Variants in CYTH1 observed in about 807,000 individuals in gnomAD.
The protein encoded by CYTH1 is cytohesin-1.
In CYTH1, 18 loss-of-function variants were observed where a neutral mutation model predicts 61.8. The ratio of observed to expected loss-of-function variants is 0.29; its 90% CI spans 0.20 to 0.43. The LOEUF is 0.43. Among genes scored for constraint, CYTH1 ranks in the 20% least tolerant of loss-of-function variants. CYTH1 has a pLI of 1.00. For missense variants in CYTH1, 336 were observed against 510.5 expected (o/e 0.66, Z 3.29); for synonymous variants, 174 against 184.3 (o/e 0.94, Z 0.45).
At chr17:78,773,404 CG>C (rs2093479192) in intron 1 of CYTH1, among the ~76,000 whole-genome samples, 1 of 152,034 alleles carries the variant, frequency 6.6e-6, no homozygotes, top group African/African-American at 2.4e-5. Context: ...CCGAGGCGGA[CG>C]GATCACCTGA....
intron 1 of CYTH1, among the ~76,000 whole-genome samples, chr17:78,753,835 T>C (rs1011041240): frequency 6.6e-6 from 1 of 152,216 alleles, no homozygotes; most frequent in Non-Finnish European, 1.5e-5. Context: ...TTCCAAAGTA[T>C]GTTGTCTAGT....
chr17:78,714,371 G>A (rs867349211), intron 1 of CYTH1, among the ~76,000 whole-genome samples: 2 of 152,026 alleles, frequency 1.3e-5, no homozygotes, highest in Non-Finnish European at 2.9e-5. Flanking sequence ...ACACAGAGAA[G>A]GGCCATCAGA....
intron 1 of CYTH1, among the ~76,000 whole-genome samples, chr17:78,774,935 C>T (rs1470632177): frequency 1.3e-5 from 2 of 152,222 alleles, no homozygotes; most frequent in Admixed American, 6.5e-5. Flanking sequence ...ATCAAACCCC[C>T]GAAGTACCCA....
chr17:78,765,711 G>T (rs973950703), intron 1 of CYTH1, among the ~76,000 whole-genome samples: 1 of 152,176 alleles, frequency 6.6e-6, no homozygotes, highest in African/African-American at 2.4e-5. Context: ...ACACCAAGAG[G>T]TGCCACAGCA....
At chr17:78,753,197 T>C (rs532684103) in intron 1 of CYTH1, among the ~76,000 whole-genome samples, 1 of 152,288 alleles carries the variant, frequency 6.6e-6, no homozygotes, top group African/African-American at 2.4e-5. Context: ...TGGTTGCTCA[T>C]GCCTTCAATC....
rs1567878924 is a variant in CYTH1 at position 78,760,370 on chromosome 17, TATATATATATATATACACAC to T, written c.22+21812_22+21831del. ...AATAGCAGGTTTATATATATATATA[TATATATATATATATACACAC>T]ACATACATATATATATGTGTATATA... On this transcript the variant is annotated intron_variant, in intron 1 of 13. Transcript: ENST00000446868. 7.7e-3 allele frequency among the ~76,000 whole-genome samples: 489 copies of T among 63,382 alleles called. 39 individuals are homozygous for T. Among genetic ancestry groups the T allele is most frequent in the African/African-American group, 0.026 (462 of 17,568 alleles). 41.6% of individuals were successfully genotyped at this position (63,382 alleles called of 152,430 possible).
intron 1 of CYTH1, among the ~76,000 whole-genome samples, chr17:78,742,585 G>A (rs1395968447): frequency 6.6e-6 from 1 of 152,156 alleles, no homozygotes; most frequent in African/African-American, 2.4e-5. Flanking sequence ...GGGTGTGCTG[G>A]CTCACGCCTG....
chr17:78,735,588 CGTGCTGCAGCTTTCA>C (rs2093316703), intron 1 of CYTH1, among the ~76,000 whole-genome samples: 1 of 152,168 alleles, frequency 6.6e-6, no homozygotes, highest in Admixed American at 6.5e-5. Flanking sequence ...GTCCCCCACG[CGTGCTGCAGCTTTCA>C]GTGTCGCCCG....
intron 1 of CYTH1, among the ~76,000 whole-genome samples, chr17:78,781,657 T>A (rs1227595869): frequency 6.6e-6 from 1 of 151,932 alleles, no homozygotes; most frequent in African/African-American, 2.4e-5. Context: ...AACAAAGACG[T>A]GGACCGGGCA....
chr17:78,689,403 T>C (rs2092852331), intron 11 of CYTH1, among the ~76,000 whole-genome samples: 1 of 152,202 alleles, frequency 6.6e-6, no homozygotes, highest in South Asian at 2.1e-4. Context: ...CATTAGATTC[T>C]CAGGAGGAGT....
At chr17:78,720,771 A>G (rs563976042) in intron 1 of CYTH1, among the ~76,000 whole-genome samples, 1 of 152,314 alleles carries the variant, frequency 6.6e-6, no homozygotes, top group Non-Finnish European at 1.5e-5. Flanking sequence ...GCTACTTAGG[A>G]GGCTGAGGTG....
chr17:78,679,959 A>G (rs2092740642), intron 13 of CYTH1, among the ~76,000 whole-genome samples: 1 of 152,204 alleles, frequency 6.6e-6, no homozygotes, highest in African/African-American at 2.4e-5. Context: ...TTTTGGGTCT[A>G]TGAGGACACG....
chr17:78,701,367 T>G (rs1380338243), intron 6 of CYTH1, among the ~76,000 whole-genome samples: 1 of 152,208 alleles, frequency 6.6e-6, no homozygotes, highest in African/African-American at 2.4e-5. Context: ...GGGCAAGAAA[T>G]TAAAGGATTT....
intron 1 of CYTH1, among the ~76,000 whole-genome samples, chr17:78,737,349 A>C (rs756319598): frequency 6.6e-6 from 1 of 152,230 alleles, no homozygotes; most frequent in Non-Finnish European, 1.5e-5. Context: ...ATGAAAAGAA[A>C]AAAGTCTGTA....
intron 1 of CYTH1, among the ~76,000 whole-genome samples, chr17:78,775,064 G>C (rs1322536525): frequency 6.6e-6 from 1 of 152,180 alleles, no homozygotes; most frequent in Non-Finnish European, 1.5e-5. Flanking sequence ...TTCCCTCTGT[G>C]CCACTAGGCA....
At position 78,700,372 on chromosome 17, in the gene CYTH1, T is replaced by C; in HGVS notation, c.509A>G (p.Gln170Arg). 1 of 1,613,598 alleles carries C rather than the reference T, an allele frequency of 6.2e-7. No homozygotes were observed. The highest frequency in any genetic ancestry group is 8.5e-7 in the Non-Finnish European group (1 of 1,179,732). ...GCCATTATTGCACTGACAATATCGC[T>C]GGGCAAACGCCTCCATCATCCGGTC... ...KIDRMMEAFA[Q>R]RYCQCNNGVF... Residue 170 changes from glutamine to arginine, a missense_variant, in exon 7 of 14, where the codon CAG becomes CGG. Physicochemically the swap from Gln to Arg is conservative, Grantham distance 43. Transcript: ENST00000446868. The surrounding 1 kb of genome is among the most constrained non-coding windows in gnomAD (Gnocchi z 5.1).
At chr17:78,709,441 T>C (rs1469441616) in intron 2 of CYTH1, 11 of 538,436 alleles carry the variant, frequency 2.0e-5, no homozygotes, top group South Asian at 1.4e-4. Flanking sequence ...TGGGTGAACC[T>C]GGACAAGCCA....
In CYTH1 at chr17:78,679,146, C is replaced by T. The variant is rs77567289; in HGVS notation, c.1118+1044G>A. 8.3e-3 allele frequency among the ~76,000 whole-genome samples: 1,269 copies of T among 152,292 alleles called. 24 individuals carry two copies. Among genetic ancestry groups the T allele is most frequent in the African/African-American group, 0.028 (1,184 of 41,558 alleles). ...AGAGGATATTGCACACCCTCGGGAA[C>T]GGGGCTGTAGCCTGGGTGGGAGAAA... On this transcript the variant is annotated intron_variant, in intron 13 of 13. Coordinates refer to ENST00000446868, the MANE Select transcript of CYTH1 (RefSeq NM_004762.6).
intron 11 of CYTH1, among the ~76,000 whole-genome samples, chr17:78,685,464 C>T (rs933036219): frequency 2.7e-5 from 4 of 146,890 alleles, no homozygotes; most frequent in Admixed American, 2.7e-4. Context: ...AGTATTAGCT[C>T]TATATTTAAG....
Sources: gnomAD v4.1 joint callset for allele counts (sites outside exome capture counted in the v4.1 genomes callset) on GRCh38, gnomAD v4.1.1 for gene constraint, Gnocchi (gnomAD v3.1) non-coding constraint, MANE v1.5 for transcripts, NCBI Gene and HGNC (gene_info 2026-07-23, HGNC 2026-07-21) for gene names.